The following BMPR1B variants were observed in gnomAD, a reference collection of about 807,000 sequenced individuals.
BMPR1B encodes bone morphogenetic protein receptor type-1B.
BMPR1B carries 12 observed loss-of-function variants against 59.1 expected under a neutral mutation model. The observed-to-expected ratio is 0.20, with a 90% CI of 0.13 to 0.33. BMPR1B has a LOEUF of 0.33. BMPR1B is among the 10% of genes least tolerant of loss of function. BMPR1B has a pLI of 1.00. For synonymous variants in BMPR1B, 237 were observed against 207.3 expected (o/e 1.14, Z -1.23); for missense variants, 550 against 610.9 (o/e 0.90, Z 1.05).
At chr4:94,879,660 C>T (rs1217234754) in intron 2 of BMPR1B, among the ~76,000 whole-genome samples, 3 of 152,022 alleles carry the variant, frequency 2.0e-5, no homozygotes. Context: ...TTTCTCGTAT[C>T]CAGTGATTTT....
At chr4:95,108,681 A>G (rs1481386042) in intron 4 of BMPR1B, among the ~76,000 whole-genome samples, 10 of 152,094 alleles carry the variant, frequency 6.6e-5, no homozygotes, top group Non-Finnish European at 1.2e-4. Context: ...ACTGCTCATG[A>G]TATTCACATT....
chr4:94,825,162 G>C (rs11936506), intron 1 of BMPR1B, among the ~76,000 whole-genome samples: 33,245 of 151,950 alleles, frequency 0.22, 3,881 homozygotes, highest in African/African-American at 0.28. Context: ...GACATTCTGT[G>C]GTGGCCCCAT....
In BMPR1B at chr4:95,085,989, C is replaced by CTGTGTGTG. The variant is rs3068102; in HGVS notation, c.-17-18403_-17-18396dup. 1.8e-3 allele frequency among the ~76,000 whole-genome samples: 266 copies of CTGTGTGTG among 149,832 alleles called. 2 individuals are homozygous for CTGTGTGTG. Among genetic ancestry groups the CTGTGTGTG allele is most frequent in the African/African-American group, 3.3e-3 (135 of 40,678 alleles). On this transcript the variant is annotated intron_variant, in intron 3 of 12. Coordinates refer to ENST00000515059, the MANE Select transcript of BMPR1B (RefSeq NM_001203.3). Reference sequence around the variant, plus strand: ...TGTGGACATATTTGTGTGTGTGTACCTGTGTGTGTGTGTGTGTGTGTGTAA... The same window carrying CTGTGTGTG: ...TGTGGACATATTTGTGTGTGTGTACCTGTGTGTGTGTGTGTGTGTGTGTGTGTGTGTAA...
At chr4:95,038,879 TG>T (rs1725449655) in intron 3 of BMPR1B, among the ~76,000 whole-genome samples, 1 of 152,192 alleles carries the variant, frequency 6.6e-6, no homozygotes, top group Non-Finnish European at 1.5e-5. Flanking sequence ...TTAAATCATC[TG>T]GCTAAATACA....
chr4:95,001,450 C>G (rs1253852580), intron 3 of BMPR1B, among the ~76,000 whole-genome samples: 1 of 152,150 alleles, frequency 6.6e-6, no homozygotes, highest in African/African-American at 2.4e-5. Flanking sequence ...TTCTGGCTCT[C>G]CTGAATTGCC....
At chr4:95,096,235 T>C (rs533868459) in intron 3 of BMPR1B, among the ~76,000 whole-genome samples, 59 of 151,934 alleles carry the variant, frequency 3.9e-4, no homozygotes, top group African/African-American at 1.4e-3. Context: ...ATTATAACTC[T>C]ACCTTATTTC....
At chr4:95,064,465 G>A (rs1482216353) in intron 3 of BMPR1B, among the ~76,000 whole-genome samples, 12 of 152,046 alleles carry the variant, frequency 7.9e-5, no homozygotes, top group Non-Finnish European at 1.8e-4. Context: ...ATCTGAGGTG[G>A]AACAAACCAT....
rs1284293071 is a variant in BMPR1B, at chr4:94,942,476, T to C, written c.-112-53564T>C. ...CTGGAAATTTTATTATTCATGCTAC[T>C]TAGAAAAAACTATTCTTTACTTGTT... is the stretch of plus-strand genomic sequence containing the variant. On this transcript the variant is annotated intron_variant, in intron 2 of 12. Transcript: ENST00000515059. Among the ~76,000 whole-genome samples, 6 of 152,340 alleles carry C rather than the reference T, an allele frequency of 3.9e-5. No homozygotes were observed. The East Asian group carries it at 1.2e-3, about 29-fold the overall frequency.
intron 1 of BMPR1B, among the ~76,000 whole-genome samples, chr4:94,841,378 G>T (rs545894749): frequency 6.6e-6 from 1 of 150,678 alleles, no homozygotes; most frequent in African/African-American, 2.4e-5. Context: ...CCGCCTTGCA[G>T]TTTGATCTCA....
At chr4:94,955,317 G>A (rs949388877) in intron 2 of BMPR1B, among the ~76,000 whole-genome samples, 3 of 152,132 alleles carry the variant, frequency 2.0e-5, no homozygotes, top group Admixed American at 2.0e-4. Flanking sequence ...ATATCCATGT[G>A]ATTACTTAAG....
At chr4:94,914,442 A>T (rs1449139830) in intron 2 of BMPR1B, among the ~76,000 whole-genome samples, 1 of 152,164 alleles carries the variant, frequency 6.6e-6, no homozygotes, top group Non-Finnish European at 1.5e-5. Context: ...TAATTGAGTG[A>T]TCAGAGTCAC....
intron 2 of BMPR1B, among the ~76,000 whole-genome samples, chr4:94,993,748 A>G (rs2149100411): frequency 7.1e-6 from 1 of 141,176 alleles, no homozygotes; most frequent in South Asian, 2.5e-4. Context: ...GCAACAGAGC[A>G]AGACTCCATC....
intron 3 of BMPR1B, among the ~76,000 whole-genome samples, chr4:95,033,582 C>T (rs952357379): frequency 2.0e-5 from 3 of 152,038 alleles, no homozygotes; most frequent in Admixed American, 1.3e-4. Context: ...GGCATACTTA[C>T]TCTACATACA....
chr4:95,046,130 C>T (rs895881768), intron 3 of BMPR1B, among the ~76,000 whole-genome samples: 5 of 151,924 alleles, frequency 3.3e-5, no homozygotes, highest in Non-Finnish European at 7.4e-5. Flanking sequence ...GTCTCGAACC[C>T]CTGGGCTCAA....
rs1231128977 is a variant in BMPR1B, at chr4:94,877,121, A to AT, written c.-113+1222dup. The stretch of plus-strand genomic sequence containing the variant: ...GCATAGTAAGTTTCAGTTGGGCCAC[A>AT]TATTATGCCACTGTGCATAAAAACT... On this transcript the variant is annotated intron_variant, in intron 2 of 12. Coordinates refer to ENST00000515059, the MANE Select transcript of BMPR1B (RefSeq NM_001203.3). Among the ~76,000 whole-genome samples the AT allele has an allele frequency of 2.6e-5, 4 of 152,186 alleles. No individual in the cohort carries two copies. The East Asian group carries it at 7.7e-4, about 29-fold the overall frequency.
chr4:94,808,645 G>C (rs1723698290), intron 1 of BMPR1B, among the ~76,000 whole-genome samples: 3 of 152,196 alleles, frequency 2.0e-5, no homozygotes, highest in South Asian at 2.1e-4. Flanking sequence ...TTCAAAACTA[G>C]AATCTGAAAG....
At chr4:94,984,784 T>C (rs988181834) in intron 2 of BMPR1B, among the ~76,000 whole-genome samples, 1 of 152,212 alleles carries the variant, frequency 6.6e-6, no homozygotes, top group African/African-American at 2.4e-5. Context: ...GAAACTGGTG[T>C]GCGCTTTTCC....
chr4:95,078,327 T>C (rs1728864164), intron 3 of BMPR1B, among the ~76,000 whole-genome samples: 1 of 152,340 alleles, frequency 6.6e-6, no homozygotes, highest in South Asian at 2.1e-4. Context: ...TGGTAGTGGC[T>C]TTATCTATAT....
At chr4:95,073,861 A>C (rs1728507357) in intron 3 of BMPR1B, among the ~76,000 whole-genome samples, 1 of 152,206 alleles carries the variant, frequency 6.6e-6, no homozygotes, top group Admixed American at 6.5e-5. Context: ...TTGACAATTA[A>C]GGGCTCATTA....
Sources: allele counts gnomAD v4.1 joint callset (sites outside exome capture counted in the v4.1 genomes callset), GRCh38; gene constraint gnomAD v4.1.1; transcripts MANE v1.5; gene names NCBI Gene and HGNC (gene_info 2026-07-23, HGNC 2026-07-21).